The following XKR9 variants were observed in gnomAD, a reference collection of about 807,000 sequenced individuals.
XKR9 encodes the protein XK related 9.
XKR9 carries 32 observed loss-of-function variants against 32.0 expected under a neutral mutation model. The observed-to-expected ratio is 1.00, with a 90% CI of 0.76 to 1.34. The LOEUF (loss-of-function observed/expected upper bound fraction) is 1.34. XKR9 is among the 40% of genes most tolerant of loss of function. XKR9 has a pLI of 0.00. For missense variants in XKR9, 546 were observed against 429.7 expected, an observed-to-expected ratio of 1.27 and a Z score of -2.39; for synonymous variants, 168 against 143.4, an observed-to-expected ratio of 1.17 and a Z score of -1.22.
the XKR9 span, among the ~76,000 whole-genome samples, chr8:70,931,738 T>C: frequency 2.6e-5 from 4 of 152,150 alleles, no homozygotes; most frequent in African/African-American, 7.2e-5. Flanking sequence ...AGCAGGTATA[T>C]CATGTGGTGT....
the XKR9 span, among the ~76,000 whole-genome samples, chr8:70,890,736 T>A: frequency 1.3e-5 from 2 of 152,026 alleles, no homozygotes; most frequent in Non-Finnish European, 2.9e-5. Context: ...GCATCTATCA[T>A]CAGGGATATT....
chr8:70,823,765 G>T, the XKR9 span, among the ~76,000 whole-genome samples: 1 of 152,094 alleles, frequency 6.6e-6, no homozygotes, highest in Non-Finnish European at 1.5e-5. Flanking sequence ...AGAACTTTTA[G>T]ATGGCCAAGG....
intron 2 of XKR9, among the ~76,000 whole-genome samples, chr8:70,745,949 T>C (rs1295883507): frequency 6.6e-6 from 1 of 152,206 alleles, no homozygotes; most frequent in Non-Finnish European, 1.5e-5. Context: ...GTTGGACTTT[T>C]CTAGCTGAGC....
the XKR9 span, among the ~76,000 whole-genome samples, chr8:71,045,472 C>T: frequency 6.6e-6 from 1 of 152,142 alleles, no homozygotes; most frequent in Non-Finnish European, 1.5e-5. Context: ...TGTGCCAGAT[C>T]CCAGTGGAGA....
the XKR9 span, among the ~76,000 whole-genome samples, chr8:70,796,110 G>A: frequency 6.7e-6 from 1 of 150,042 alleles, no homozygotes; most frequent in African/African-American, 2.5e-5. Flanking sequence ...CAGGTTTTTT[G>A]ACAGAAAATT....
the XKR9 span, among the ~76,000 whole-genome samples, chr8:70,925,427 A>G: frequency 6.6e-6 from 1 of 152,254 alleles, no homozygotes; most frequent in East Asian, 1.9e-4. Flanking sequence ...TGTGGCAATC[A>G]GAATACTCTA....
the XKR9 span, among the ~76,000 whole-genome samples, chr8:71,054,672 A>C: frequency 6.6e-6 from 1 of 152,164 alleles, no homozygotes; most frequent in Non-Finnish European, 1.5e-5. Flanking sequence ...GCATTTTAGG[A>C]AACAGTTCAT....
At chr8:70,820,503 GAGGTGCC>G in the XKR9 span, among the ~76,000 whole-genome samples, 1 of 152,168 alleles carries the variant, frequency 6.6e-6, no homozygotes, top group African/African-American at 2.4e-5. Flanking sequence ...AAGAGAGGAA[GAGGTGCC>G]AGGCTCTTTT....
At chr8:70,989,927 T>TCACA in the XKR9 span, among the ~76,000 whole-genome samples, 2 of 152,238 alleles carry the variant, frequency 1.3e-5, no homozygotes, top group Non-Finnish European at 2.9e-5. Context: ...ATCAGTGGAA[T>TCACA]CACACAATAT....
At chr8:71,018,543 A>G in the XKR9 span, among the ~76,000 whole-genome samples, 1 of 152,238 alleles carries the variant, frequency 6.6e-6, no homozygotes, top group Admixed American at 6.5e-5. Flanking sequence ...GGGTTAACAC[A>G]TTATCCGAGT....
chr8:70,928,044 T>A, the XKR9 span, among the ~76,000 whole-genome samples: 36 of 152,302 alleles, frequency 2.4e-4, 1 homozygote, highest in Admixed American at 2.2e-3. Flanking sequence ...AAATCTAATT[T>A]CGTGTGTGTG....
intron 2 of XKR9, among the ~76,000 whole-genome samples, chr8:70,746,665 G>T (rs1044512031): frequency 6.6e-6 from 1 of 151,776 alleles, no homozygotes; most frequent in African/African-American, 2.4e-5. Flanking sequence ...TGCTGTTGCT[G>T]CACTTTAAAA....
chr8:70,764,935 T>C (rs10097371), intron 2 of XKR9, among the ~76,000 whole-genome samples: 16,511 of 152,278 alleles, frequency 0.11, 1,425 homozygotes, highest in Admixed American at 0.28. Flanking sequence ...TCTTTTTCTA[T>C]GGCTGAATAG....
At chr8:71,031,708 T>C in the XKR9 span, among the ~76,000 whole-genome samples, 3 of 152,206 alleles carry the variant, frequency 2.0e-5, no homozygotes, top group African/African-American at 7.2e-5. Flanking sequence ...TCACAATTGT[T>C]TTTTCAATCT....
the XKR9 span, among the ~76,000 whole-genome samples, chr8:70,817,786 A>C: frequency 2.0e-5 from 3 of 152,286 alleles, no homozygotes; most frequent in Middle Eastern, 3.4e-3. Flanking sequence ...TATAACAGAA[A>C]AGAGAACCCA....
the XKR9 span, among the ~76,000 whole-genome samples, chr8:70,902,182 C>A: frequency 6.6e-6 from 1 of 152,082 alleles, no homozygotes; most frequent in African/African-American, 2.4e-5. Flanking sequence ...TTTTCCAATT[C>A]TGTGAAGAAA....
chr8:70,833,405 A>C, the XKR9 span, among the ~76,000 whole-genome samples: 19 of 152,216 alleles, frequency 1.2e-4, no homozygotes, highest in African/African-American at 4.6e-4. Flanking sequence ...TAAATTGTGA[A>C]TATAACATTA....
chr8:70,982,306 T>C, the XKR9 span, among the ~76,000 whole-genome samples: 40 of 152,130 alleles, frequency 2.6e-4, 1 homozygote, highest in Admixed American at 2.2e-3. Flanking sequence ...GACCACCAGG[T>C]CGGGGCAGGG....
At chr8:70,844,194 A>G in the XKR9 span, among the ~76,000 whole-genome samples, 1 of 152,220 alleles carries the variant, frequency 6.6e-6, no homozygotes, top group African/African-American at 2.4e-5. Context: ...AGGACAAGCT[A>G]TGCTGCCATC....
Sources: gnomAD v4.1 joint callset for allele counts (sites outside exome capture counted in the v4.1 genomes callset) on GRCh38, gnomAD v4.1.1 for gene constraint, MANE v1.5 for transcripts, NCBI Gene and HGNC (gene_info 2026-07-23, HGNC 2026-07-21) for gene names.